Variants in RIC8B observed in about 807,000 individuals in gnomAD.
RIC8B encodes the protein RIC8 guanine nucleotide exchange factor B.
In RIC8B, 16 loss-of-function variants were observed where a neutral mutation model predicts 57.5. That is an observed-to-expected ratio of 0.28 (90% CI 0.19 to 0.42). The LOEUF is 0.42. Ranked by LOEUF, RIC8B falls within the 10% of genes least tolerant of loss-of-function variation. The probability of loss-of-function intolerance (pLI) is 1.00; values close to 1 mark genes in which losing one functional copy is unlikely to be tolerated. For missense variants in RIC8B, 481 were observed against 677.0 expected (o/e 0.71, Z 3.21); for synonymous variants, 216 against 250.8 (o/e 0.86, Z 1.31).
chr12:106,887,597 A>G lies in RIC8B; in HGVS notation c.*1582A>G, dbSNP rs1951233985. The G allele has an allele frequency of 6.6e-6, 1 of 152,224 alleles. No individual in the cohort carries two copies. 9.4% of individuals were successfully genotyped at this position (152,224 alleles called of 1,614,324 possible). On this transcript the variant is annotated 3_prime_UTR_variant, in exon 10 of 10. Transcript: ENST00000392837. ...TCTTAGACTCTGAACTGAAATTTGC[A>G]TACGCTTCCAACATGTTTTATTAGC...
At chr12:106,819,124 T>A (rs1156360845) in intron 3 of RIC8B, among the ~76,000 whole-genome samples, 1 of 152,170 alleles carries the variant, frequency 6.6e-6, no homozygotes, top group Non-Finnish European at 1.5e-5. Flanking sequence ...TATATATACA[T>A]TTTTACAAAA....
intron 1 of RIC8B, among the ~76,000 whole-genome samples, chr12:106,780,023 A>G (rs2043693799): frequency 6.6e-6 from 1 of 151,906 alleles, no homozygotes; most frequent in Non-Finnish European, 1.5e-5. Flanking sequence ...GGACTTCTCT[A>G]ATAACACATT....
chr12:106,837,515 G>T (rs1227381990), intron 4 of RIC8B, among the ~76,000 whole-genome samples: 1 of 151,970 alleles, frequency 6.6e-6, no homozygotes, highest in Non-Finnish European at 1.5e-5. Flanking sequence ...GTGAGGACAG[G>T]AATTTTTTCT....
At chr12:106,881,879 A>T (rs575477894) in intron 9 of RIC8B, among the ~76,000 whole-genome samples, 4 of 152,292 alleles carry the variant, frequency 2.6e-5, no homozygotes, top group African/African-American at 9.6e-5. Context: ...TCTGTAAATG[A>T]TCCTCTCCTT....
intron 3 of RIC8B, 55 bp from the exon 4 acceptor site, chr12:106,825,671 C>T (rs886941977): frequency 5.4e-6 from 7 of 1,295,226 alleles, no homozygotes; most frequent in African/African-American, 1.5e-5. Context: ...AGTAGCAGAC[C>T]CCACTGTTCA....
At chr12:106,786,796 A>G (rs1000663987) in intron 2 of RIC8B, among the ~76,000 whole-genome samples, 12 of 152,116 alleles carry the variant, frequency 7.9e-5, no homozygotes, top group Admixed American at 5.9e-4. Flanking sequence ...AGAGAGTGAA[A>G]AAAAAAAAGC....
chr12:106,885,452 C>T (rs548268750), intron 9 of RIC8B, among the ~76,000 whole-genome samples: 4 of 152,036 alleles, frequency 2.6e-5, no homozygotes, highest in Admixed American at 6.6e-5. Context: ...AAATCAAAAC[C>T]GACAGATTTA....
intron 4 of RIC8B, among the ~76,000 whole-genome samples, chr12:106,830,953 AGTATGGT>A: frequency 6.6e-6 from 1 of 152,206 alleles, no homozygotes; most frequent in African/African-American, 2.4e-5. Flanking sequence ...GGGCAATGTA[AGTATGGT>A]CTGTCATGAT....
intron 3 of RIC8B, among the ~76,000 whole-genome samples, chr12:106,824,354 A>C (rs1023194305): frequency 2.6e-5 from 4 of 152,148 alleles, no homozygotes; most frequent in Non-Finnish European, 5.9e-5. Context: ...CCTGACCCCA[A>C]GTGCAGTGCC....
chr12:106,834,218 C>G, intron 4 of RIC8B, among the ~76,000 whole-genome samples: 1 of 152,132 alleles, frequency 6.6e-6, no homozygotes, highest in East Asian at 1.9e-4. Flanking sequence ...AAACTAGTTT[C>G]TTGTCAGATC....
At chr12:106,827,485 T>C (rs2046160027) in intron 4 of RIC8B, among the ~76,000 whole-genome samples, 1 of 152,206 alleles carries the variant, frequency 6.6e-6, no homozygotes, top group South Asian at 2.1e-4. Flanking sequence ...TATGCTTAAT[T>C]GTTATTTTTC....
chr12:106,812,199 A>G (rs2045365132), intron 2 of RIC8B, among the ~76,000 whole-genome samples: 1 of 152,230 alleles, frequency 6.6e-6, no homozygotes, highest in South Asian at 2.1e-4. Flanking sequence ...AAGAACAACT[A>G]TGATTAAAAA....
intron 2 of RIC8B, among the ~76,000 whole-genome samples, chr12:106,804,249 C>A (rs1293007908): frequency 6.8e-6 from 1 of 147,090 alleles, no homozygotes; most frequent in African/African-American, 2.5e-5. Flanking sequence ...GAGTCTCGCT[C>A]TGTCGCCCAG....
intron 2 of RIC8B, among the ~76,000 whole-genome samples, chr12:106,786,775 A>G (rs1352626794): frequency 6.6e-6 from 1 of 152,052 alleles, no homozygotes; most frequent in African/African-American, 2.4e-5. Flanking sequence ...GATTTGCTGT[A>G]TGTGCTAATG....
chr12:106,799,440 C>G (rs939547173), intron 2 of RIC8B, among the ~76,000 whole-genome samples: 1 of 151,978 alleles, frequency 6.6e-6, no homozygotes, highest in Non-Finnish European at 1.5e-5. Flanking sequence ...AAATGTAGCT[C>G]AAGTGATTTC....
intron 2 of RIC8B, among the ~76,000 whole-genome samples, chr12:106,803,058 A>G (rs2044812723): frequency 6.6e-6 from 1 of 151,842 alleles, no homozygotes; most frequent in Non-Finnish European, 1.5e-5. Flanking sequence ...TAAAAGTAAA[A>G]AAAAATAGCT....
At chr12:106,774,881 CG>C in intron 1 of RIC8B, 52 bp downstream of exon 1, 1 of 1,340,586 alleles carries the variant, frequency 7.5e-7, no homozygotes, top group Non-Finnish European at 1.0e-6. Context: ...GGCCGCCCTC[CG>C]TGCTTGCACA....
At chr12:106,780,175 A>G (rs2043702026) in intron 1 of RIC8B, among the ~76,000 whole-genome samples, 1 of 152,070 alleles carries the variant, frequency 6.6e-6, no homozygotes, top group Non-Finnish European at 1.5e-5. Flanking sequence ...ATAGGGCCCA[A>G]CCCCCTCGTT....
At chr12:106,808,263 A>G (rs2045152761) in intron 2 of RIC8B, among the ~76,000 whole-genome samples, 1 of 152,196 alleles carries the variant, frequency 6.6e-6, no homozygotes, top group Non-Finnish European at 1.5e-5. Context: ...ATATGCAAGT[A>G]CTATACCACT....
Sources: gnomAD v4.1 joint callset for allele counts (sites outside exome capture counted in the v4.1 genomes callset) on GRCh38, gnomAD v4.1.1 for gene constraint, MANE v1.5 for transcripts, NCBI Gene and HGNC (gene_info 2026-07-23, HGNC 2026-07-21) for gene names.